Variants in ASCC1 observed in about 807,000 individuals in gnomAD.
The protein encoded by ASCC1 is ASC-1 complex subunit P50.
In ASCC1, 35 loss-of-function variants were observed where a neutral mutation model predicts 46.6. The observed-to-expected ratio is 0.75, with a 90% confidence interval of 0.57 to 0.99. The LOEUF (loss-of-function observed/expected upper bound fraction) is 0.99. Among genes scored for constraint, ASCC1 ranks in the 50% least tolerant of loss-of-function variants. The pLI is 0.00. For synonymous variants in ASCC1, 143 were observed against 146.6 expected (o/e 0.98, Z 0.18); for missense variants, 376 against 428.7 (o/e 0.88, Z 1.09).
At chr10:72,171,558 C>A (rs573070542) in intron 5 of ASCC1, among the ~76,000 whole-genome samples, 113 of 152,280 alleles carry the variant, frequency 7.4e-4, no homozygotes, top group African/African-American at 2.7e-3. Context: ...TCCTGAGTAG[C>A]TGGGATTACA....
chr10:72,208,348 A>G (rs1398425590), intron 3 of ASCC1, among the ~76,000 whole-genome samples: 1 of 151,158 alleles, frequency 6.6e-6, no homozygotes, highest in Non-Finnish European at 1.5e-5. Context: ...AAACTGAGCC[A>G]CAACTTTCTA....
At chr10:72,101,519 G>A (rs1392995303) in intron 9 of ASCC1, among the ~76,000 whole-genome samples, 6 of 152,020 alleles carry the variant, frequency 3.9e-5, no homozygotes. Flanking sequence ...TGGGCATGGT[G>A]GGCTGGGCCA....
intron 4 of ASCC1, among the ~76,000 whole-genome samples, chr10:72,198,854 T>C (rs1034904721): frequency 6.6e-6 from 1 of 152,216 alleles, no homozygotes; most frequent in Middle Eastern, 3.2e-3. Context: ...TCTTGCTCTG[T>C]CACCCAGGCT....
chr10:72,181,831 G>A (rs750944651), intron 5 of ASCC1, among the ~76,000 whole-genome samples: 2 of 151,844 alleles, frequency 1.3e-5, no homozygotes, highest in Non-Finnish European at 2.9e-5. Context: ...GATTATAAAC[G>A]TGTGCCACCA....
intron 2 of ASCC1, among the ~76,000 whole-genome samples, chr10:72,211,309 T>C (rs546492460): frequency 1.3e-5 from 2 of 152,296 alleles, no homozygotes; most frequent in South Asian, 4.1e-4. Context: ...TTATCAAAGG[T>C]TTCTATATAC....
intron 5 of ASCC1, chr10:72,190,056 C>T: frequency 2.6e-6 from 2 of 758,090 alleles, no homozygotes; most frequent in South Asian, 2.7e-5. Flanking sequence ...CTCCACAGTG[C>T]TCCCCACCCC....
At chr10:72,146,903 C>G (rs1437059786) in intron 7 of ASCC1, among the ~76,000 whole-genome samples, 1 of 151,844 alleles carries the variant, frequency 6.6e-6, no homozygotes, top group Non-Finnish European at 1.5e-5. Context: ...TTACTACACA[C>G]AGTTCTTGTA....
At chr10:72,161,709 C>A in intron 5 of ASCC1, 35 bp from the exon 6 acceptor site, 1 of 1,613,582 alleles carries the variant, frequency 6.2e-7, no homozygotes, top group Non-Finnish European at 8.5e-7. Flanking sequence ...GAAACTCAGC[C>A]CATACAAAGG....
chr10:72,197,267 C>A (rs939465716), intron 4 of ASCC1, among the ~76,000 whole-genome samples: 1 of 151,726 alleles, frequency 6.6e-6, no homozygotes, highest in African/African-American at 2.4e-5. Flanking sequence ...GTCAGGAGAT[C>A]GAGACCATCC....
chr10:72,125,694 G>A (rs993502894), intron 9 of ASCC1, among the ~76,000 whole-genome samples: 1 of 152,224 alleles, frequency 6.6e-6, no homozygotes, highest in East Asian at 1.9e-4. Context: ...TTGAACATAG[G>A]TGAAAGATTA....
At chr10:72,201,032 G>A (rs919604084) in intron 4 of ASCC1, among the ~76,000 whole-genome samples, 8 of 152,138 alleles carry the variant, frequency 5.3e-5, no homozygotes, top group Admixed American at 2.0e-4. Flanking sequence ...TGACACGTGC[G>A]GCTCCTGTGC....
At chr10:72,117,754 A>C (rs1027611275) in intron 9 of ASCC1, among the ~76,000 whole-genome samples, 1 of 152,248 alleles carries the variant, frequency 6.6e-6, no homozygotes, top group Non-Finnish European at 1.5e-5. Flanking sequence ...TATATATAAA[A>C]GCTATTACAA....
intron 5 of ASCC1, among the ~76,000 whole-genome samples, chr10:72,167,692 C>T (rs992771046): frequency 6.7e-6 from 1 of 148,754 alleles, no homozygotes; most frequent in African/African-American, 2.5e-5. Context: ...AGCTGGGGTG[C>T]AGTGGCATGA....
intron 4 of ASCC1, among the ~76,000 whole-genome samples, chr10:72,200,195 T>C (rs748698222): frequency 1.5e-4 from 23 of 152,124 alleles, no homozygotes; most frequent in Admixed American, 2.6e-4. Context: ...CAATAAAAAA[T>C]ATTATATAAC....
At chr10:72,100,374 C>T (rs1378840720) in intron 9 of ASCC1, among the ~76,000 whole-genome samples, 2 of 151,906 alleles carry the variant, frequency 1.3e-5, no homozygotes, top group African/African-American at 4.8e-5. Flanking sequence ...TACAGGCATA[C>T]ACCACCACAC....
chr10:72,163,373 T>C (rs1366834181), intron 5 of ASCC1, among the ~76,000 whole-genome samples: 1 of 152,080 alleles, frequency 6.6e-6, no homozygotes, highest in Non-Finnish European at 1.5e-5. Flanking sequence ...CAAATGTATA[T>C]CAACAGATGA....
At chr10:72,205,606 G>C (rs558578134) in intron 3 of ASCC1, among the ~76,000 whole-genome samples, 2 of 149,760 alleles carry the variant, frequency 1.3e-5, no homozygotes, top group African/African-American at 4.9e-5. Context: ...CTCCAGCCTG[G>C]GTGACAAGAG....
chr10:72,183,444 C>G (rs1852951360), intron 5 of ASCC1, among the ~76,000 whole-genome samples: 1 of 151,762 alleles, frequency 6.6e-6, no homozygotes, highest in Admixed American at 6.6e-5. Context: ...TTGCTTGAGC[C>G]CAGAGAAGTT....
intron 9 of ASCC1, among the ~76,000 whole-genome samples, chr10:72,122,512 T>C (rs1043409257): frequency 6.6e-6 from 1 of 151,570 alleles, no homozygotes; most frequent in Non-Finnish European, 1.5e-5. Context: ...CTGGGTGTGG[T>C]AGCTCACTCC....
Sources: allele counts gnomAD v4.1 joint callset (sites outside exome capture counted in the v4.1 genomes callset), GRCh38; gene constraint gnomAD v4.1.1; transcripts MANE v1.5; gene names NCBI Gene and HGNC (gene_info 2026-07-23, HGNC 2026-07-21).